Variants in PTPN6 observed in about 807,000 individuals in gnomAD.
PTPN6 encodes the protein protein tyrosine phosphatase non-receptor type 6.
Under a neutral mutation model 81.5 loss-of-function variants are expected in PTPN6, and 18 were observed. The ratio of observed to expected loss-of-function variants is 0.22; its 90% CI spans 0.15 to 0.33. The LOEUF is 0.33. Ranked by LOEUF, PTPN6 falls within the 10% of genes least tolerant of loss-of-function variation. PTPN6 has a pLI of 1.00. For missense variants in PTPN6, 500 were observed against 794.2 expected (o/e 0.63, Z 4.45); for synonymous variants, 301 against 310.9 (o/e 0.97, Z 0.33).
upstream of PTPN6, chr12:6,946,641 C>A: frequency 1.7e-6 from 2 of 1,175,030 alleles, no homozygotes; most frequent in Non-Finnish European, 2.5e-6. Context: ...CCTCACCTGG[C>A]TTGGGCCACT....
rs1555148452 is a variant in PTPN6 at position 6,955,354 on chromosome 12, C to T, written c.634-18C>T. 2.5e-6 allele frequency: 4 copies of T among 1,613,044 alleles called. No homozygotes were observed. The highest frequency in any genetic ancestry group is 3.4e-6 in the Non-Finnish European group (4 of 1,179,096). ...TGGGATCTCTGAGTTGCTGACTTCT[C>T]GCTCTTCCCCACCCCAGCCGTACTA... On this transcript the variant is annotated intron_variant, in intron 5 of 15. Coordinates refer to ENST00000318974, the MANE Select transcript of PTPN6 (RefSeq NM_002831.6). This position sits in a 1 kb window ranked among gnomAD's most constrained non-coding sequence, Gnocchi z 7.2.
Position 6,955,593 on chromosome 12 carries a change from C to A in PTPN6, c.748-67C>A. The A allele has an allele frequency of 6.3e-7, 1 of 1,575,226 alleles. No individual in the cohort carries two copies. The highest frequency in any genetic ancestry group is 1.1e-5 in the South Asian group (1 of 90,278). ...TGCCCACCTCTGCTCCTGACCCACC[C>A]CACGTGAGCTCCCCCGATGGATGCC... On this transcript the variant is annotated intron_variant, in intron 6 of 15. Transcript: ENST00000318974. The surrounding 1 kb of genome is among the most constrained non-coding windows in gnomAD (Gnocchi z 7.2).
At chr12:6,958,122 C>CTGCTAAG (rs1565583980) in intron 11 of PTPN6, 49 bp downstream of exon 11, 1 of 1,598,280 alleles carries the variant, frequency 6.3e-7, no homozygotes, top group Admixed American at 1.7e-5. Context: ...GAAGTAAATA[C>CTGCTAAG]TGCTAAGTGC....
chr12:6,957,906 G>C lies in PTPN6; in HGVS notation c.1207-13G>C. 6.2e-7 allele frequency: 1 copy of C among 1,614,016 alleles called. No homozygotes were observed. Among genetic ancestry groups the C allele is most frequent in the Non-Finnish European group, 8.5e-7 (1 of 1,180,018 alleles). ...AGAGAGGAGGGGGCACTGACCCTATGTCCTCGGCTTAGGGAGACCTGATTC... is the reference window on the plus strand; with the variant it reads ...AGAGAGGAGGGGGCACTGACCCTATCTCCTCGGCTTAGGGAGACCTGATTC... On this transcript the variant is annotated splice_polypyrimidine_tract_variant and intron_variant, in intron 10 of 15. Transcript: ENST00000318974. The surrounding 1 kb of genome is among the most constrained non-coding windows in gnomAD (Gnocchi z 6.5).
rs1394671399 is a variant in PTPN6, at chr12:6,955,341, G to C, written c.634-31G>C. 1.4e-5 allele frequency: 22 copies of C among 1,612,198 alleles called. 1 individual carries two copies. The Admixed American group carries it at 1.8e-4, about 13-fold the overall frequency. Reference sequence around the variant, plus strand: ...AGATGTGAGCTTCTGGGATCTCTGAGTTGCTGACTTCTCGCTCTTCCCCAC... The same window carrying C: ...AGATGTGAGCTTCTGGGATCTCTGACTTGCTGACTTCTCGCTCTTCCCCAC... On this transcript the variant is annotated intron_variant, in intron 5 of 15. Coordinates refer to ENST00000318974, the MANE Select transcript of PTPN6 (RefSeq NM_002831.6). This position sits in a 1 kb window ranked among gnomAD's most constrained non-coding sequence, Gnocchi z 7.2.
At position 6,954,837 on chromosome 12, in the gene PTPN6, C is replaced by G; in HGVS notation, c.359C>G (p.Ala120Gly). 6.2e-7 allele frequency: 1 copy of G among 1,614,166 alleles called. No individual in the cohort carries two copies. The highest frequency in any genetic ancestry group is 8.5e-7 in the Non-Finnish European group (1 of 1,180,046). The change falls in exon 4 of 16, where the codon GCA becomes GGA. Residue 120 changes from alanine (A) to glycine (G), a missense_variant. Ala to Gly is a moderately conservative substitution (Grantham distance 60). This residue lies in a region of PTPN6 where 98 missense variants were observed against 199.2 expected (regional missense o/e 0.49). Transcript: ENST00000318974. The surrounding 1 kb of genome is among the most constrained non-coding windows in gnomAD (Gnocchi z 5.4). ...CATGGCCACATGTCTGGCGGGCAGG[C>G]AGAGACGCTGCTGCAGGCCAAGGGC... ...WYHGHMSGGQAETLLQAKGEP... is the reference protein window; with the variant it reads ...WYHGHMSGGQGETLLQAKGEP...
At chr12:6,946,619 T>G (rs1945821483), upstream of PTPN6, 1 of 892,190 alleles carries the variant, frequency 1.1e-6, no homozygotes, top group Non-Finnish European at 1.8e-6. Flanking sequence ...GGCTGATTAC[T>G]GAGCGGTTCT....
At position 6,957,265 on chromosome 12, in the gene PTPN6, A is replaced by G. The variant is rs782142468; in HGVS notation, c.1075-389A>G. Among the ~76,000 whole-genome samples, 38 of 152,286 alleles carry G rather than the reference A, an allele frequency of 2.5e-4. No homozygotes were observed. Among genetic ancestry groups the G allele is most frequent in the Non-Finnish European group, 4.4e-5 (3 of 68,026 alleles). ...CTTGTTTCCTCCAGGACCTAGAGGG[A>G]GAATTACGTCTTTCCCAGCCACGCT... On this transcript the variant is annotated intron_variant, in intron 9 of 15. Transcript: ENST00000318974. The surrounding 1 kb of genome is among the most constrained non-coding windows in gnomAD (Gnocchi z 6.5).
chr12:6,958,979 G>T (rs903906545), intron 11 of PTPN6, among the ~76,000 whole-genome samples: 5 of 152,202 alleles, frequency 3.3e-5, no homozygotes, highest in African/African-American at 1.2e-4. Flanking sequence ...ATCAGGCAGA[G>T]AATAGGGGAA....
rs1591690112 is a variant in PTPN6 at position 6,957,510 on chromosome 12, A to G, written c.1075-144A>G. On this transcript the variant is annotated intron_variant, in intron 9 of 15. Coordinates refer to ENST00000318974, the MANE Select transcript of PTPN6 (RefSeq NM_002831.6). This position sits in a 1 kb window ranked among gnomAD's most constrained non-coding sequence, Gnocchi z 6.5. ...GGTGGTTGATCTGAGACGAGAGCCC[A>G]GGTCTCCTGCCTCTCTGCCAGCCCA... The G allele has an allele frequency of 1.8e-5, 20 of 1,103,234 alleles. No individual in the cohort carries two copies. In the South Asian group the frequency reaches 2.5e-4, roughly 14 times the overall value. 68.3% of individuals were successfully genotyped at this position (1,103,234 alleles called of 1,614,324 possible). A position where few individuals can be genotyped will look rare whatever the true frequency, so the allele number is the denominator to read the frequency against.
In PTPN6 at chr12:6,961,042, G is replaced by A; in HGVS notation, c.*26-84G>A. The A allele has an allele frequency of 2.6e-6, 4 of 1,520,266 alleles. No homozygotes were observed. The South Asian group carries it at 3.6e-5, about 14-fold the overall frequency. 94.2% of individuals were successfully genotyped at this position (1,520,266 alleles called of 1,614,324 possible). On this transcript the variant is annotated intron_variant, in intron 15 of 15. Transcript: ENST00000318974. ...GATGGGGTGGCCGCAGCCTCATTCTGTGCTTCCCAGCTGCCCCAGACCCTC... is the reference window on the plus strand; with the variant it reads ...GATGGGGTGGCCGCAGCCTCATTCTATGCTTCCCAGCTGCCCCAGACCCTC...
intron 3 of PTPN6, chr12:6,953,529 C>T (rs1050749533): frequency 2.6e-5 from 4 of 152,244 alleles, no homozygotes; most frequent in African/African-American, 7.2e-5. Context: ...TTTTGGGTGA[C>T]CCGTCCCAGG....
chr12:6,948,495 AAG>A (rs1945865156), upstream of PTPN6, among the ~76,000 whole-genome samples: 1 of 151,490 alleles, frequency 6.6e-6, no homozygotes, highest in Non-Finnish European at 1.5e-5. Flanking sequence ...GAAAAAGAGA[AAG>A]AAGGAAAAAA....
upstream of PTPN6, among the ~76,000 whole-genome samples, chr12:6,948,558 G>T (rs1445179899): frequency 1.3e-5 from 2 of 148,684 alleles, no homozygotes; most frequent in Non-Finnish European, 3.0e-5. Context: ...AGAAAGAAAA[G>T]AAAGGAAAGA....
Position 6,955,725 on chromosome 12 carries a change from G to A in PTPN6, c.813G>A (p.Lys271=). 6.2e-7 allele frequency: 1 copy of A among 1,614,042 alleles called. No homozygotes were observed. The highest frequency in any genetic ancestry group is 8.5e-7 in the Non-Finnish European group (1 of 1,179,998). The change falls in exon 7 of 16, where the codon AAG becomes AAA. Residue 271 remains lysine (K), a synonymous_variant. Coordinates refer to ENST00000318974, the MANE Select transcript of PTPN6 (RefSeq NM_002831.6). The surrounding 1 kb of genome is among the most constrained non-coding windows in gnomAD (Gnocchi z 7.2). ...TGGAAGGGCAGCGGCCAGAGAACAA[G>A]GGCAAGAACCGCTACAAGAACATTC... ...QRLEGQRPEN[K]GKNRYKNILP...
In PTPN6 at chr12:6,959,887, G is replaced by C; in HGVS notation, c.1362-40G>C. ...GCTGGGTACCCCCCTTCCCGGGGAG[G>C]GCTTGACTGGCCTCTGATGGCACCC... On this transcript the variant is annotated intron_variant, in intron 11 of 15. Coordinates refer to ENST00000318974, the MANE Select transcript of PTPN6 (RefSeq NM_002831.6). The surrounding 1 kb of genome is among the most constrained non-coding windows in gnomAD (Gnocchi z 6.6). 6.2e-7 allele frequency: 1 copy of C among 1,608,438 alleles called. No individual in the cohort carries two copies. The highest frequency in any genetic ancestry group is 8.5e-7 in the Non-Finnish European group (1 of 1,177,822).
chr12:6,948,707 G>A (rs183358291), upstream of PTPN6, among the ~76,000 whole-genome samples: 71 of 152,072 alleles, frequency 4.7e-4, no homozygotes, highest in African/African-American at 1.6e-3. Flanking sequence ...TTGGGAGGCC[G>A]AGGCAGGTGG....
chr12:6,953,857 G>T (rs1176582351), intron 3 of PTPN6, among the ~76,000 whole-genome samples: 1 of 152,160 alleles, frequency 6.6e-6, no homozygotes, highest in Non-Finnish European at 1.5e-5. Context: ...GGTGAGATGG[G>T]TTGGGACAGA....
chr12:6,960,532 G>C lies in PTPN6; in HGVS notation c.1673+97G>C. ...AGAGGACAAGTGTTGCAGCTGGGGG[G>C]ACCTGGCTTCAAGTTCAGGCTTGGT... On this transcript the variant is annotated intron_variant, in intron 14 of 15. Transcript: ENST00000318974. This position sits in a 1 kb window ranked among gnomAD's most constrained non-coding sequence, Gnocchi z 6.1. 2 of 1,458,040 alleles carry C rather than the reference G, an allele frequency of 1.4e-6. No individual in the cohort carries two copies. Among genetic ancestry groups the C allele is most frequent in the Non-Finnish European group, 1.9e-6 (2 of 1,061,246 alleles). 90.3% of individuals were successfully genotyped at this position (1,458,040 alleles called of 1,614,324 possible).
Sources: allele counts gnomAD v4.1 joint callset (sites outside exome capture counted in the v4.1 genomes callset), GRCh38; gene constraint gnomAD v4.1.1; regional missense constraint gnomAD v4.1.1; non-coding constraint Gnocchi (gnomAD v3.1); transcripts MANE v1.5; gene names NCBI Gene and HGNC (gene_info 2026-07-23, HGNC 2026-07-21).